Variants in NEK11 observed in about 807,000 individuals in gnomAD.
NEK11 encodes the protein serine/threonine-protein kinase Nek11.
Under a neutral mutation model 80.7 loss-of-function variants are expected in NEK11, and 72 were observed. The ratio of observed to expected loss-of-function variants is 0.89; its 90% CI spans 0.74 to 1.08. The LOEUF (loss-of-function observed/expected upper bound fraction) is 1.08. Among genes scored for constraint, NEK11 ranks in the 50% least tolerant of loss-of-function variants. The pLI, the probability that NEK11 is intolerant of heterozygous loss-of-function variation, is 0.00. For synonymous variants in NEK11, 251 were observed against 260.7 expected (o/e 0.96, Z 0.36); for missense variants, 764 against 763.6 (o/e 1.00, Z -0.01).
intron 3 of NEK11, among the ~76,000 whole-genome samples, chr3:131,079,653 T>C (rs1194286205): frequency 2.0e-5 from 3 of 152,210 alleles, no homozygotes; most frequent in Non-Finnish European, 2.9e-5. Flanking sequence ...CAAAGAGTTA[T>C]CACAATTTTT....
chr3:131,094,444 G>A (rs947787664), intron 4 of NEK11, among the ~76,000 whole-genome samples: 1 of 152,076 alleles, frequency 6.6e-6, no homozygotes, highest in African/African-American at 2.4e-5. Flanking sequence ...TTTTCCAAGG[G>A]GGGTGGATCT....
chr3:131,134,574 G>T (rs1045689511), intron 7 of NEK11, among the ~76,000 whole-genome samples: 4 of 151,848 alleles, frequency 2.6e-5, no homozygotes, highest in African/African-American at 9.7e-5. Flanking sequence ...CTAATTTTTT[G>T]TATTTTTAGT....
chr3:131,163,791 AT>A (rs1427654696), intron 11 of NEK11, among the ~76,000 whole-genome samples: 3 of 152,194 alleles, frequency 2.0e-5, no homozygotes, highest in African/African-American at 7.2e-5. Flanking sequence ...AAATCTAAAC[AT>A]TTTTTGTCAA....
intron 17 of NEK11, among the ~76,000 whole-genome samples, chr3:131,338,549 A>G (rs902810300): frequency 4.6e-5 from 7 of 152,182 alleles, no homozygotes; most frequent in African/African-American, 1.7e-4. Flanking sequence ...ATATGAATAC[A>G]TATAGCAACT....
chr3:131,044,183 G>A (rs1046456758), intron 3 of NEK11, among the ~76,000 whole-genome samples: 1 of 152,072 alleles, frequency 6.6e-6, no homozygotes, highest in African/African-American at 2.4e-5. Flanking sequence ...TGGAGAAACT[G>A]CATCAACAAA....
intron 17 of NEK11, among the ~76,000 whole-genome samples, chr3:131,274,117 C>A (rs1184402283): frequency 8.2e-6 from 1 of 122,260 alleles, no homozygotes; most frequent in Non-Finnish European, 1.7e-5. Flanking sequence ...CCTCCCCCCA[C>A]CCCACAACAG....
At chr3:131,268,380 G>A (rs556527969) in intron 16 of NEK11, among the ~76,000 whole-genome samples, 4 of 152,290 alleles carry the variant, frequency 2.6e-5, no homozygotes, top group Admixed American at 1.3e-4. Flanking sequence ...CAGTCTTTTT[G>A]TGCTGGTTTT....
At chr3:131,337,341 C>T (rs2097202418) in intron 17 of NEK11, among the ~76,000 whole-genome samples, 1 of 152,006 alleles carries the variant, frequency 6.6e-6, no homozygotes, top group Admixed American at 6.6e-5. Flanking sequence ...TGGAAATCAT[C>T]ATTCTCAGTA....
intron 4 of NEK11, among the ~76,000 whole-genome samples, chr3:131,099,042 T>C (rs1298492088): frequency 6.6e-6 from 1 of 152,214 alleles, no homozygotes; most frequent in Non-Finnish European, 1.5e-5. Flanking sequence ...CCAGAAATTC[T>C]TTGCCAAGAC....
At chr3:131,225,112 A>G (rs2095151779) in intron 14 of NEK11, among the ~76,000 whole-genome samples, 1 of 152,220 alleles carries the variant, frequency 6.6e-6, no homozygotes, top group African/African-American at 2.4e-5. Flanking sequence ...AGCAACTTCC[A>G]GTCCTGCGTG....
chr3:131,140,205 G>A (rs1264046803), intron 7 of NEK11, among the ~76,000 whole-genome samples: 5 of 152,154 alleles, frequency 3.3e-5, no homozygotes, highest in African/African-American at 4.8e-5. Context: ...GGTAATAAAA[G>A]CAATATAGAT....
At position 131,245,883 on chromosome 3, in the gene NEK11, T is replaced by C. The variant is rs79003714; in HGVS notation, c.1621+2387T>C. Among the ~76,000 whole-genome samples, 1,061 of 152,166 alleles carry C rather than the reference T, an allele frequency of 7.0e-3. 3 individuals carry two copies. Among genetic ancestry groups the C allele is most frequent in the Non-Finnish European group, 0.011 (737 of 67,974 alleles). ...GTCCCTCATAAATTCTGGATATTAGTCCCTGCCAGATTGATAGTTTGCAAA... is the reference window on the plus strand; with the variant it reads ...GTCCCTCATAAATTCTGGATATTAGCCCCTGCCAGATTGATAGTTTGCAAA... On this transcript the variant is annotated intron_variant, in intron 16 of 17. Coordinates refer to ENST00000383366, the MANE Select transcript of NEK11 (RefSeq NM_024800.5).
At chr3:131,133,447 A>G (rs1487256057) in intron 6 of NEK11, 12 of 294,420 alleles carry the variant, frequency 4.1e-5, no homozygotes, top group Non-Finnish European at 5.9e-5. Flanking sequence ...ATTATTGTAA[A>G]TTTAAGAACA....
chr3:131,202,975 TTGG>T (rs2094299226), intron 14 of NEK11, among the ~76,000 whole-genome samples: 1 of 145,214 alleles, frequency 6.9e-6, no homozygotes, highest in Admixed American at 7.1e-5. Flanking sequence ...TTTTACACTG[TTGG>T]TGGGAGTGTA....
Position 131,081,176 on chromosome 3 carries a change from G to A in NEK11, c.336+588G>A, listed in dbSNP as rs78601102. Among the ~76,000 whole-genome samples the A allele has an allele frequency of 4.9e-3, 747 of 152,210 alleles. 11 individuals carry two copies. Among genetic ancestry groups the A allele is most frequent in the African/African-American group, 0.017 (712 of 41,528 alleles). Reference sequence around the variant, plus strand: ...AATGCATCAACAATTTTTTGATAGGGGGAAGGGCAAACCTTCTAGAATGGT... The same window carrying A: ...AATGCATCAACAATTTTTTGATAGGAGGAAGGGCAAACCTTCTAGAATGGT... On this transcript the variant is annotated intron_variant, in intron 4 of 17. Coordinates refer to ENST00000383366, the MANE Select transcript of NEK11 (RefSeq NM_024800.5).
At chr3:131,194,150 G>C (rs1023263557) in intron 14 of NEK11, among the ~76,000 whole-genome samples, 22 of 152,292 alleles carry the variant, frequency 1.4e-4, no homozygotes, top group African/African-American at 5.1e-4. Context: ...CTCTATGTCA[G>C]CATTGACAAA....
rs375981519 is a variant in NEK11 at position 131,085,548 on chromosome 3, C to T, written c.336+4960C>T. Among the ~76,000 whole-genome samples the T allele has an allele frequency of 2.6e-5, 4 of 152,132 alleles. No individual in the cohort carries two copies. The East Asian group carries it at 7.7e-4, about 29-fold the overall frequency. On this transcript the variant is annotated intron_variant, in intron 4 of 17. Coordinates refer to ENST00000383366, the MANE Select transcript of NEK11 (RefSeq NM_024800.5). The stretch of plus-strand genomic sequence containing the variant: ...ATAGGAGAGAGAAATGACTTCTGAC[C>T]ATGGGAACCATGAAGGGGCTAGCAT...
intron 16 of NEK11, among the ~76,000 whole-genome samples, chr3:131,271,816 T>G (rs543679694): frequency 2.9e-5 from 4 of 136,196 alleles, no homozygotes; most frequent in Non-Finnish European, 4.7e-5. Flanking sequence ...AAAGGTCGGG[T>G]GTGGTGGCTC....
Position 131,228,696 on chromosome 3 carries a change from A to G in NEK11, c.1560+8A>G, listed in dbSNP as rs375599211. 2.1e-5 allele frequency: 34 copies of G among 1,610,594 alleles called. No individual in the cohort carries two copies. The highest frequency in any genetic ancestry group is 2.6e-5 in the Non-Finnish European group (31 of 1,178,146). On this transcript the variant is annotated splice_region_variant and intron_variant, in intron 15 of 17. Coordinates refer to ENST00000383366, the MANE Select transcript of NEK11 (RefSeq NM_024800.5). ...TACAGAACAAACCAACAGGTATGTA[A>G]TGCTCCCTGTCGGAAGCCATGGAAC...
Sources: allele counts gnomAD v4.1 joint callset (sites outside exome capture counted in the v4.1 genomes callset), GRCh38; gene constraint gnomAD v4.1.1; transcripts MANE v1.5; gene names NCBI Gene and HGNC (gene_info 2026-07-23, HGNC 2026-07-21).